Variants in FAM200B observed in about 807,000 individuals in gnomAD.
The protein encoded by FAM200B is protein FAM200B.
In FAM200B, 32 loss-of-function variants were observed where a neutral mutation model predicts 33.1. The observed-to-expected ratio is 0.97, with a 90% CI of 0.73 to 1.30. FAM200B has a LOEUF of 1.30. FAM200B is among the 50% of genes most tolerant of loss of function. The pLI is 0.00. For synonymous variants in FAM200B, 240 were observed against 264.8 expected, an observed-to-expected ratio of 0.91 and a Z score of 0.91; for missense variants, 741 against 754.0, an observed-to-expected ratio of 0.98 and a Z score of 0.20.
At chr4:15,641,524 C>A in the FAM200B span, 1 of 409,260 alleles carries the variant, frequency 2.4e-6, no homozygotes, top group East Asian at 7.4e-5. Flanking sequence ...TCTAGCTTAC[C>A]TTACTGTAAG....
the FAM200B span, chr4:15,655,081 G>A: frequency 1.5e-6 from 1 of 677,650 alleles, no homozygotes; most frequent in Non-Finnish European, 2.0e-6. Context: ...CTGCGCAGGC[G>A]GCTACTCGCG....
upstream of FAM200B, among the ~76,000 whole-genome samples, chr4:15,678,149 T>C (rs894348800): frequency 6.6e-6 from 1 of 152,206 alleles, no homozygotes; most frequent in Non-Finnish European, 1.5e-5. Flanking sequence ...CAAAAAACTA[T>C]GAAGTTGCAC....
Position 15,687,421 on chromosome 4 carries a change from A to T in FAM200B, c.444A>T (p.Leu148Phe). 1 of 1,550,426 alleles carries T rather than the reference A, an allele frequency of 6.4e-7. No individual in the cohort carries two copies. The highest frequency in any genetic ancestry group is 8.7e-7 in the Non-Finnish European group (1 of 1,146,154). ...CSTAVSEKAL[L>F]SSYLVAYRVA... The stretch of plus-strand genomic sequence containing the variant: ...CTGCTGTTAGTGAGAAAGCCTTATT[A>T]TCATCATATTTAGTTGCATATCGTG... The change falls in exon 2 of 2, where the codon TTA becomes TTT. Residue 148 changes from leucine (L) to phenylalanine (F), a missense_variant. By Grantham distance (22) the Leu-to-Phe change is conservative. Transcript: ENST00000422728.
At chr4:15,673,814 C>T in the FAM200B span, among the ~76,000 whole-genome samples, 1 of 152,174 alleles carries the variant, frequency 6.6e-6, no homozygotes, top group Non-Finnish European at 1.5e-5. Flanking sequence ...GCTCTATCAA[C>T]AGAGGGATTC....
chr4:15,673,310 C>T, the FAM200B span, among the ~76,000 whole-genome samples: 4 of 151,942 alleles, frequency 2.6e-5, no homozygotes, highest in African/African-American at 9.7e-5. Context: ...GTGTGTTGAC[C>T]CGTGCCTGTA....
rs1719091434 is a variant in FAM200B at position 15,688,415 on chromosome 4, A to C, written c.1438A>C (p.Ser480Arg). The C allele has an allele frequency of 6.5e-7, 1 of 1,546,910 alleles. No homozygotes were observed. The highest frequency in any genetic ancestry group is 1.4e-5 in the African/African-American group (1 of 72,942). The change falls in exon 2 of 2, where the codon AGC becomes CGC. Residue 480 changes from serine (S) to arginine (R), a missense_variant. By Grantham distance (110) the Ser-to-Arg change is moderately radical. Transcript: ENST00000422728. ...WQVRLKSNRP[S>R]YYMFPRFLQH... ...AGTAAGACTTAAAAGTAATCGTCCT[A>C]GCTATTACATGTTTCCAAGATTTTT...
At chr4:15,644,657 A>G in the FAM200B span, 1 of 1,613,682 alleles carries the variant, frequency 6.2e-7, no homozygotes, top group Non-Finnish European at 8.5e-7. Context: ...GCATACAAAG[A>G]CTGCAGAAGA....
Position 15,687,336 on chromosome 4 carries a change from A to T in FAM200B, c.359A>T (p.Glu120Val). The T allele has an allele frequency of 6.5e-7, 1 of 1,545,412 alleles. No homozygotes were observed. Among genetic ancestry groups the T allele is most frequent in the East Asian group, 2.5e-5 (1 of 40,810 alleles). The change falls in exon 2 of 2, where the codon GAA becomes GTA. Residue 120 changes from glutamate to valine, a missense_variant. Glu to Val is a moderately radical substitution (Grantham distance 121). Transcript: ENST00000422728. ...GCTGAACTTATTGATAAGCCTCTTG[A>T]ATATTTTCAAAGAAAGAAAAAAGAC... ...QHAELIDKPLEYFQRKKKDIK... is the reference protein window; with the variant it reads ...QHAELIDKPLVYFQRKKKDIK...
the FAM200B span, among the ~76,000 whole-genome samples, chr4:15,643,839 A>T: frequency 6.6e-6 from 1 of 152,266 alleles, no homozygotes; most frequent in Non-Finnish European, 1.5e-5. Context: ...AAATGTTAAC[A>T]GAATGTAAAA....
At chr4:15,651,301 A>G in the FAM200B span, among the ~76,000 whole-genome samples, 1 of 152,208 alleles carries the variant, frequency 6.6e-6, no homozygotes, top group Non-Finnish European at 1.5e-5. Context: ...GGGCTTCCGA[A>G]GGGGAAAAAA....
chr4:15,663,357 T>C, the FAM200B span, among the ~76,000 whole-genome samples: 2 of 152,342 alleles, frequency 1.3e-5, no homozygotes, highest in African/African-American at 4.8e-5. Flanking sequence ...GATACCATAA[T>C]AGACTCTAGT....
the FAM200B span, chr4:15,655,283 G>A: frequency 1.4e-6 from 2 of 1,426,758 alleles, no homozygotes; most frequent in Non-Finnish European, 9.3e-7. Flanking sequence ...AGGAAAGGGC[G>A]CCATCGCCAC....
the FAM200B span, among the ~76,000 whole-genome samples, chr4:15,645,210 A>G: frequency 6.6e-6 from 1 of 152,124 alleles, no homozygotes; most frequent in Non-Finnish European, 1.5e-5. Context: ...ATCAGCAGGA[A>G]TGACGGTCTG....
chr4:15,637,992 C>T, the FAM200B span, among the ~76,000 whole-genome samples: 2 of 150,916 alleles, frequency 1.3e-5, no homozygotes, highest in African/African-American at 4.9e-5. Flanking sequence ...CTCTAGTACT[C>T]ATTCCTCTGA....
chr4:15,662,239 A>G, the FAM200B span, among the ~76,000 whole-genome samples: 1 of 152,308 alleles, frequency 6.6e-6, no homozygotes, highest in African/African-American at 2.4e-5. Context: ...CTGGTTTGAC[A>G]GCTCTACTTT....
chr4:15,653,106 A>AT, the FAM200B span, among the ~76,000 whole-genome samples: 7 of 151,178 alleles, frequency 4.6e-5, no homozygotes, highest in African/African-American at 1.7e-4. Flanking sequence ...ATTCCTATGC[A>AT]TTTTTTTTTC....
chr4:15,680,861 CTA>C (rs1285354001), upstream of FAM200B, among the ~76,000 whole-genome samples: 1 of 150,068 alleles, frequency 6.7e-6, no homozygotes, highest in Non-Finnish European at 1.5e-5. Context: ...TAAAAAAAAA[CTA>C]TATATGACAT....
the FAM200B span, among the ~76,000 whole-genome samples, chr4:15,674,398 A>G: frequency 6.6e-5 from 10 of 152,230 alleles, no homozygotes; most frequent in African/African-American, 2.4e-4. Flanking sequence ...GAGATCCCAA[A>G]CTGAAATCAA....
the FAM200B span, among the ~76,000 whole-genome samples, chr4:15,655,673 C>T: frequency 6.6e-6 from 1 of 152,232 alleles, no homozygotes; most frequent in Non-Finnish European, 1.5e-5. Context: ...CCCTGCCCAC[C>T]ACGGCCTTGA....
Sources: allele counts gnomAD v4.1 joint callset (sites outside exome capture counted in the v4.1 genomes callset), GRCh38; gene constraint gnomAD v4.1.1; transcripts MANE v1.5; gene names NCBI Gene and HGNC (gene_info 2026-07-23, HGNC 2026-07-21).